TADA2A: variants seen among roughly 807,000 people sequenced by gnomAD.
TADA2A encodes the protein transcriptional adaptor 2A.
Under a neutral mutation model 67.4 loss-of-function variants are expected in TADA2A, and 38 were observed. That is an observed-to-expected ratio of 0.56 (90% confidence interval 0.44 to 0.74). The LOEUF (loss-of-function observed/expected upper bound fraction) is 0.74. Among genes scored for constraint, TADA2A ranks in the 30% least tolerant of loss-of-function variants. The probability of loss-of-function intolerance (pLI) is 0.00; values close to 1 mark genes in which losing one functional copy is unlikely to be tolerated. For missense variants in TADA2A, 454 were observed against 547.0 expected (o/e 0.83, Z 1.70); for synonymous variants, 192 against 181.6 (o/e 1.06, Z -0.46).
chr17:37,462,709 T>TA (rs1387294621), intron 10 of TADA2A, among the ~76,000 whole-genome samples: 22 of 152,328 alleles, frequency 1.4e-4, no homozygotes, highest in East Asian at 1.9e-4. Context: ...AATTCTTTTT[T>TA]AAAAATTTGT....
intron 3 of TADA2A, among the ~76,000 whole-genome samples, chr17:37,423,939 G>A (rs908378939): frequency 2.6e-5 from 4 of 151,614 alleles, no homozygotes; most frequent in South Asian, 2.1e-4. Context: ...TAGTAGAGAC[G>A]GGGTTTCACC....
chr17:37,437,124 C>T, intron 4 of TADA2A, among the ~76,000 whole-genome samples: 1 of 144,816 alleles, frequency 6.9e-6, no homozygotes, highest in East Asian at 2.0e-4. Flanking sequence ...CTTGCTCTGT[C>T]GCCCAGGCTG....
intron 2 of TADA2A, 64 bp from the exon 3 acceptor site, chr17:37,423,445 C>G (rs553129114): frequency 4.6e-6 from 6 of 1,290,878 alleles, no homozygotes; most frequent in South Asian, 2.8e-5. Context: ...GGATTTTCAC[C>G]TTTTTGCACT....
At chr17:37,447,678 G>A (rs1014234826) in intron 8 of TADA2A, among the ~76,000 whole-genome samples, 1 of 152,178 alleles carries the variant, frequency 6.6e-6, no homozygotes, top group African/African-American at 2.4e-5. Flanking sequence ...GGAATGACTT[G>A]CTCATGCCAC....
intron 2 of TADA2A, among the ~76,000 whole-genome samples, chr17:37,416,794 G>A (rs2052061988): frequency 6.6e-6 from 1 of 151,774 alleles, no homozygotes; most frequent in African/African-American, 2.4e-5. Context: ...GAACCTGGGA[G>A]GCAGAAGTTG....
At chr17:37,410,525 A>T (rs1434880950) in intron 1 of TADA2A, among the ~76,000 whole-genome samples, 1 of 151,964 alleles carries the variant, frequency 6.6e-6, no homozygotes, top group South Asian at 2.1e-4. Flanking sequence ...GTTGTAATAG[A>T]TAGGATTTTT....
intron 2 of TADA2A, among the ~76,000 whole-genome samples, chr17:37,421,831 T>TATTATGAAAAGTTTTAAACTTAA (rs145040794): frequency 0.74 from 107,194 of 145,096 alleles, 43,917 homozygotes; most frequent in East Asian, 0.96. Flanking sequence ...CCCAACTTTT[T>TATTATGAAAAGTTTTAAACTTAA]ATAGAAAAGT....
At chr17:37,412,299 T>A (rs2051903220) in intron 2 of TADA2A, among the ~76,000 whole-genome samples, 1 of 151,430 alleles carries the variant, frequency 6.6e-6, no homozygotes, top group Non-Finnish European at 1.5e-5. Context: ...AGAAAAGCCA[T>A]GGGATTTCTG....
intron 8 of TADA2A, 91 bp from the exon 9 acceptor site, chr17:37,458,433 G>T: frequency 1.1e-6 from 1 of 882,722 alleles, no homozygotes; most frequent in Non-Finnish European, 1.5e-6. Flanking sequence ...TTCAAAGTTT[G>T]GGTAAAAGAT....
At chr17:37,455,245 A>G (rs2053353121) in intron 8 of TADA2A, among the ~76,000 whole-genome samples, 1 of 149,890 alleles carries the variant, frequency 6.7e-6, no homozygotes, top group South Asian at 2.1e-4. Context: ...GTTTTGCATT[A>G]CTCATATTTT....
chr17:37,422,653 C>T (rs1487901548), intron 2 of TADA2A, among the ~76,000 whole-genome samples: 4 of 151,982 alleles, frequency 2.6e-5, no homozygotes, highest in Non-Finnish European at 5.9e-5. Context: ...TTATAGGCTG[C>T]GCCCCCATCC....
intron 8 of TADA2A, among the ~76,000 whole-genome samples, chr17:37,452,903 A>G (rs776061592): frequency 1.3e-5 from 2 of 152,226 alleles, no homozygotes; most frequent in Non-Finnish European, 2.9e-5. Flanking sequence ...CTTGTTAGAA[A>G]TGAACAAAAA....
At chr17:37,413,548 A>AT (rs60652406) in intron 2 of TADA2A, among the ~76,000 whole-genome samples, 43 of 151,124 alleles carry the variant, frequency 2.8e-4, no homozygotes, top group African/African-American at 1.0e-3. Flanking sequence ...TTATTTTTTA[A>AT]TTTTTTTTAT....
chr17:37,417,988 A>G (rs1427980199), intron 2 of TADA2A, among the ~76,000 whole-genome samples: 1 of 152,258 alleles, frequency 6.6e-6, no homozygotes, highest in Non-Finnish European at 1.5e-5. Context: ...GACATGATTT[A>G]AGTACTAGAT....
At chr17:37,474,469 C>T in intron 14 of TADA2A, 87 bp from the exon 15 acceptor site, 1 of 1,283,970 alleles carries the variant, frequency 7.8e-7, no homozygotes, top group Non-Finnish European at 1.1e-6. Context: ...ACCTAACTGG[C>T]CTGGCTGCAC....
intron 4 of TADA2A, among the ~76,000 whole-genome samples, chr17:37,434,753 A>T (rs189328071): frequency 9.4e-4 from 143 of 152,354 alleles, no homozygotes; most frequent in Non-Finnish European, 1.7e-3. Context: ...GGAAACAGAA[A>T]AGATGATTAC....
chr17:37,470,540 A>G lies in TADA2A; in HGVS notation c.1028+8A>G. ...CCGCCGGCAAGCTGACATGTGAGTA[A>G]TTACTCCAGGGTGAAGGAGGCATTC... On this transcript the variant is annotated splice_region_variant and intron_variant, in intron 13 of 15. Coordinates refer to ENST00000615182, the MANE Select transcript of TADA2A (RefSeq NM_001166105.3). 1 of 1,552,862 alleles carries G rather than the reference A, an allele frequency of 6.4e-7. No individual in the cohort carries two copies. The highest frequency in any genetic ancestry group is 1.2e-5 in the South Asian group (1 of 80,878).
chr17:37,429,263 T>C (rs736424), intron 4 of TADA2A, among the ~76,000 whole-genome samples: 44,207 of 151,482 alleles, frequency 0.29, 7,740 homozygotes, highest in East Asian at 0.54. Context: ...TAAGGACTCA[T>C]GTGGATTACA....
At chr17:37,418,543 C>T (rs34772045) in intron 2 of TADA2A, among the ~76,000 whole-genome samples, 19,247 of 151,706 alleles carry the variant, frequency 0.13, 1,423 homozygotes, top group East Asian at 0.25. Flanking sequence ...AAAACATGTC[C>T]GCAATTTGTT....
Sources: gnomAD v4.1 joint callset for allele counts (sites outside exome capture counted in the v4.1 genomes callset) on GRCh38, gnomAD v4.1.1 for gene constraint, MANE v1.5 for transcripts, NCBI Gene and HGNC (gene_info 2026-07-23, HGNC 2026-07-21) for gene names.